The following LHFPL3 variants were observed in gnomAD, a reference collection of about 807,000 sequenced individuals.
LHFPL3 encodes the protein LHFPL tetraspan subfamily member 3, also known as LHFPL tetraspan subfamily member 3 protein.
A neutral mutation model predicts 19.3 loss-of-function variants in LHFPL3; 5 were observed. The ratio of observed to expected loss-of-function variants is 0.26; its 90% CI spans 0.14 to 0.54. The LOEUF (loss-of-function observed/expected upper bound fraction) is 0.54, where lower values mean the gene tolerates loss of function less well. Among genes scored for constraint, LHFPL3 ranks in the 20% least tolerant of loss-of-function variants. LHFPL3 has a pLI of 0.94. For synonymous variants in LHFPL3, 133 were observed against 126.2 expected (o/e 1.05, Z -0.36); for missense variants, 249 against 307.4 (o/e 0.81, Z 1.42).
At chr7:104,684,403 C>T (rs967273963) in intron 1 of LHFPL3, among the ~76,000 whole-genome samples, 2 of 152,222 alleles carry the variant, frequency 1.3e-5, no homozygotes, top group African/African-American at 2.4e-5. Flanking sequence ...ATGACTGTTG[C>T]AACTGCTCAA....
chr7:104,870,715 T>C (rs985113716), intron 2 of LHFPL3, among the ~76,000 whole-genome samples: 4 of 152,118 alleles, frequency 2.6e-5, no homozygotes, highest in African/African-American at 9.7e-5. Context: ...CTGGGAAGTT[T>C]TCCCCGTGGA....
chr7:104,418,947 C>A (rs965864050), intron 1 of LHFPL3, among the ~76,000 whole-genome samples: 1 of 152,298 alleles, frequency 6.6e-6, no homozygotes, highest in East Asian at 1.9e-4. Context: ...AGACAAGTAC[C>A]AATTATTGCT....
At chr7:104,332,117 C>G (rs1050246442) in intron 1 of LHFPL3, among the ~76,000 whole-genome samples, 1 of 151,796 alleles carries the variant, frequency 6.6e-6, no homozygotes, top group Non-Finnish European at 1.5e-5. Context: ...GAGACTATCC[C>G]TCATTGGAAA....
chr7:104,417,677 G>A (rs948177867), intron 1 of LHFPL3, among the ~76,000 whole-genome samples: 1 of 151,902 alleles, frequency 6.6e-6, no homozygotes, highest in Non-Finnish European at 1.5e-5. Context: ...CAATCCTTGT[G>A]GGTTTTTTGA....
intron 1 of LHFPL3, among the ~76,000 whole-genome samples, chr7:104,380,051 T>A (rs1790798638): frequency 6.6e-6 from 1 of 152,250 alleles, no homozygotes. Flanking sequence ...TCTCATTAGT[T>A]ACCATACTGG....
chr7:104,328,752 G>T lies in LHFPL3; in HGVS notation c.-28G>T, dbSNP rs1401500748. On this transcript the variant is annotated 5_prime_UTR_variant, in exon 1 of 3. Coordinates refer to ENST00000424859, the MANE Select transcript of LHFPL3 (RefSeq NM_199000.3). The surrounding 1 kb of genome is among the most constrained non-coding windows in gnomAD (Gnocchi z 4.6). Reference sequence around the variant, plus strand: ...GCGGGGGGAGGCGGAGGACCAGGAGGAGGAGGAGGAGGAGGAGGAGGGGGA... The same window carrying T: ...GCGGGGGGAGGCGGAGGACCAGGAGTAGGAGGAGGAGGAGGAGGAGGGGGA... 9.6e-6 allele frequency: 10 copies of T among 1,040,642 alleles called. No individual in the cohort carries two copies. Among genetic ancestry groups the T allele is most frequent in the Non-Finnish European group, 1.2e-5 (10 of 813,596 alleles). 64.5% of individuals were successfully genotyped at this position (1,040,642 alleles called of 1,614,324 possible). A position where few individuals can be genotyped will look rare whatever the true frequency, so the allele number is the denominator to read the frequency against.
intron 1 of LHFPL3, among the ~76,000 whole-genome samples, chr7:104,627,670 A>T (rs1261424867): frequency 6.6e-6 from 1 of 152,190 alleles, no homozygotes; most frequent in African/African-American, 2.4e-5. Flanking sequence ...CCTCGTGAAG[A>T]TACCATCCCT....
chr7:104,522,098 T>G (rs1180102646), intron 1 of LHFPL3, among the ~76,000 whole-genome samples: 2 of 152,114 alleles, frequency 1.3e-5, no homozygotes, highest in Non-Finnish European at 2.9e-5. Flanking sequence ...GTATGTTTAC[T>G]GAGGCATTAT....
At chr7:104,443,174 C>T (rs2116585360) in intron 1 of LHFPL3, among the ~76,000 whole-genome samples, 1 of 152,264 alleles carries the variant, frequency 6.6e-6, no homozygotes, top group Middle Eastern at 3.4e-3. Flanking sequence ...TCTTGTACAG[C>T]TACTGAAGGG....
chr7:104,734,121 GT>G, intron 1 of LHFPL3, among the ~76,000 whole-genome samples: 1 of 152,306 alleles, frequency 6.6e-6, no homozygotes, highest in East Asian at 1.9e-4. Context: ...CCCTTTGTGG[GT>G]AACCCGACCT....
At chr7:104,872,559 C>G (rs1020781451) in intron 2 of LHFPL3, among the ~76,000 whole-genome samples, 2 of 151,676 alleles carry the variant, frequency 1.3e-5, no homozygotes, top group Non-Finnish European at 2.9e-5. Context: ...ATGGGAGAAT[C>G]GCTGGAATCC....
intron 1 of LHFPL3, among the ~76,000 whole-genome samples, chr7:104,634,759 G>A (rs1791702124): frequency 6.6e-6 from 1 of 152,174 alleles, no homozygotes; most frequent in Non-Finnish European, 1.5e-5. Flanking sequence ...AAGGCCAGCT[G>A]GCTATCCTGT....
intron 1 of LHFPL3, among the ~76,000 whole-genome samples, chr7:104,397,948 C>A (rs542555121): frequency 6.6e-6 from 1 of 152,120 alleles, no homozygotes; most frequent in Non-Finnish European, 1.5e-5. Flanking sequence ...GCTTCAAATG[C>A]GCAGTTTCTC....
intron 2 of LHFPL3, among the ~76,000 whole-genome samples, chr7:104,772,608 T>C (rs12705275): frequency 0.82 from 125,104 of 152,198 alleles, 51,589 homozygotes; most frequent in East Asian, 0.88. Context: ...GCACTGCTGC[T>C]CTGCAAAGTG....
intron 1 of LHFPL3, among the ~76,000 whole-genome samples, chr7:104,362,067 T>G (rs1456788929): frequency 6.6e-6 from 1 of 152,226 alleles, no homozygotes; most frequent in Non-Finnish European, 1.5e-5. Flanking sequence ...CTGCTAGGTC[T>G]TCTTCTTCCC....
At chr7:104,394,339 G>T (rs1012620257) in intron 1 of LHFPL3, among the ~76,000 whole-genome samples, 1 of 151,988 alleles carries the variant, frequency 6.6e-6, no homozygotes, top group African/African-American at 2.4e-5. Flanking sequence ...GGAGTAAAAA[G>T]GTCTGAAAAG....
At chr7:104,811,935 C>G (rs924745006) in intron 2 of LHFPL3, among the ~76,000 whole-genome samples, 1 of 151,914 alleles carries the variant, frequency 6.6e-6, no homozygotes, top group African/African-American at 2.4e-5. Context: ...TTAATGTGTC[C>G]CCCCAACAAA....
At chr7:104,395,499 T>C (rs1189931970) in intron 1 of LHFPL3, among the ~76,000 whole-genome samples, 1 of 152,176 alleles carries the variant, frequency 6.6e-6, no homozygotes, top group African/African-American at 2.4e-5. Context: ...TGCCACCTTC[T>C]CCCAGACTTT....
At chr7:104,384,787 CAAAAAA>C (rs771136918) in intron 1 of LHFPL3, among the ~76,000 whole-genome samples, 1 of 74,574 alleles carries the variant, frequency 1.3e-5, no homozygotes, top group African/African-American at 5.3e-5. Flanking sequence ...AACTCTATTT[CAAAAAA>C]AAAAAAAAAA....
Sources: gnomAD v4.1 joint callset for allele counts (sites outside exome capture counted in the v4.1 genomes callset) on GRCh38, gnomAD v4.1.1 for gene constraint, Gnocchi (gnomAD v3.1) non-coding constraint, MANE v1.5 for transcripts, NCBI Gene and HGNC (gene_info 2026-07-23, HGNC 2026-07-21) for gene names.